The following PALM2AKAP2 variants were observed in gnomAD, a reference collection of about 807,000 sequenced individuals.
PALM2AKAP2 encodes the protein PALM2-AKAP2 fusion protein.
A neutral mutation model predicts 71.5 loss-of-function variants in PALM2AKAP2; 37 were observed. The observed-to-expected ratio is 0.52, with a 90% CI of 0.40 to 0.68. The LOEUF (loss-of-function observed/expected upper bound fraction) is 0.68. PALM2AKAP2 is among the 30% of genes least tolerant of loss of function. The pLI is 0.00. For synonymous variants in PALM2AKAP2, 468 were observed against 478.8 expected (o/e 0.98, Z 0.29); for missense variants, 1,224 against 1,191.8 (o/e 1.03, Z -0.40).
intron 1 of PALM2AKAP2, among the ~76,000 whole-genome samples, chr9:109,785,676 A>G (rs1826943004): frequency 6.6e-6 from 1 of 152,226 alleles, no homozygotes; most frequent in South Asian, 2.1e-4. Flanking sequence ...CGTGAGACTG[A>G]TTCACTATCA....
At chr9:109,766,992 C>T (rs925082788) in intron 1 of PALM2AKAP2, among the ~76,000 whole-genome samples, 3 of 150,834 alleles carry the variant, frequency 2.0e-5, no homozygotes, top group Admixed American at 6.6e-5. Context: ...GTGCTTAGTA[C>T]CTGCCAGACA....
At chr9:109,833,568 A>C (rs888903324) in intron 1 of PALM2AKAP2, among the ~76,000 whole-genome samples, 1 of 152,072 alleles carries the variant, frequency 6.6e-6, no homozygotes, top group African/African-American at 2.4e-5. Flanking sequence ...CTGTGGGCTC[A>C]CCTAGTTTAA....
At chr9:109,763,467 A>T (rs576352037) in intron 1 of PALM2AKAP2, among the ~76,000 whole-genome samples, 1 of 152,216 alleles carries the variant, frequency 6.6e-6, no homozygotes, top group African/African-American at 2.4e-5. Flanking sequence ...GAATGATACT[A>T]CCATATCCAG....
chr9:110,066,681 A>G (rs1006543452), intron 1 of PALM2AKAP2, among the ~76,000 whole-genome samples: 4 of 150,900 alleles, frequency 2.7e-5, no homozygotes. Context: ...CCTGGGGAAC[A>G]GACCAAGACA....
chr9:109,658,523 A>G (rs1257789422), intron 1 of PALM2AKAP2, among the ~76,000 whole-genome samples: 2 of 152,230 alleles, frequency 1.3e-5, no homozygotes, highest in Admixed American at 1.3e-4. Context: ...AACTCTTAGC[A>G]AACTAGAAAT....
Position 109,899,755 on chromosome 9 carries a change from C to T in PALM2AKAP2, c.257+19074C>T, listed in dbSNP as rs371824745. On this transcript the variant is annotated intron_variant, in intron 3 of 9. Coordinates refer to the PALM2AKAP2 transcript ENST00000302798. ...GTCTGTGTCCCGTTCTTTGGATCTACTGTCCCTTCTCCAAGGAACGTTCTT... is the reference window on the plus strand; with the variant it reads ...GTCTGTGTCCCGTTCTTTGGATCTATTGTCCCTTCTCCAAGGAACGTTCTT... Among the ~76,000 whole-genome samples the T allele has an allele frequency of 1.4e-3, 211 of 152,328 alleles. 1 individual carries two copies. Among genetic ancestry groups the T allele is most frequent in the African/African-American group, 4.9e-3 (202 of 41,576 alleles).
At chr9:109,683,581 T>G (rs983559685) in intron 1 of PALM2AKAP2, among the ~76,000 whole-genome samples, 3 of 152,198 alleles carry the variant, frequency 2.0e-5, no homozygotes, top group African/African-American at 7.2e-5. Flanking sequence ...AATACATCTT[T>G]GCTGTTTTAA....
At chr9:109,672,560 T>A (rs1308700427) in intron 1 of PALM2AKAP2, among the ~76,000 whole-genome samples, 1 of 152,104 alleles carries the variant, frequency 6.6e-6, no homozygotes, top group African/African-American at 2.4e-5. Context: ...GGCTTAAAGT[T>A]TTCTTTTTTT....
At position 110,001,603 on chromosome 9, in the gene PALM2AKAP2, A is replaced by G. The variant is rs187412625; in HGVS notation, c.497-14351A>G. On this transcript the variant is annotated intron_variant, in intron 6 of 9. Coordinates refer to the PALM2AKAP2 transcript ENST00000302798. ...GCATTGAATCTATAAATTACCTTGG[A>G]CAGTATGGCCATTTTCATGATATTG... Among the ~76,000 whole-genome samples, 219 of 152,138 alleles carry G rather than the reference A, an allele frequency of 1.4e-3. 1 individual carries two copies. The highest frequency in any genetic ancestry group is 4.6e-3 in the African/African-American group (193 of 41,510).
rs1831845700 is a variant in PALM2AKAP2 at position 109,961,164 on chromosome 9, TCTTTGGAACATATAG to T, written c.496+29139_496+29153del. Among the ~76,000 whole-genome samples, 11 of 152,352 alleles carry T rather than the reference TCTTTGGAACATATAG, an allele frequency of 7.2e-5. 1 individual carries two copies. The South Asian group carries it at 1.7e-3, about 23-fold the overall frequency. On this transcript the variant is annotated intron_variant, in intron 6 of 9. Transcript: ENST00000302798. The stretch of plus-strand genomic sequence containing the variant: ...GCTCAGGCAAAAGCAACCTATCCGT[TCTTTGGAACATATAG>T]CTAAAATTCAACCAGAAACTTACTT...
intron 3 of PALM2AKAP2, among the ~76,000 whole-genome samples, chr9:109,914,210 C>T (rs377569851): frequency 2.1e-3 from 319 of 152,306 alleles, no homozygotes; most frequent in African/African-American, 7.4e-3. Context: ...TGATCCTTGT[C>T]AACAGTGACC....
chr9:109,997,891 G>A (rs1426989492), intron 6 of PALM2AKAP2, among the ~76,000 whole-genome samples: 2 of 152,242 alleles, frequency 1.3e-5, no homozygotes, highest in East Asian at 3.9e-4. Flanking sequence ...TTATCCTGGG[G>A]TGGGGCTTCC....
chr9:109,835,414 C>T (rs1354257737), intron 1 of PALM2AKAP2, among the ~76,000 whole-genome samples: 4 of 151,468 alleles, frequency 2.6e-5, no homozygotes, highest in African/African-American at 7.3e-5. Context: ...CCAAGATGGC[C>T]GAATAGGAAC....
intron 1 of PALM2AKAP2, among the ~76,000 whole-genome samples, chr9:110,070,390 A>G (rs1375623029): frequency 6.6e-6 from 1 of 152,202 alleles, no homozygotes; most frequent in Non-Finnish European, 1.5e-5. Context: ...AACAATGACT[A>G]TTTTAAAAAG....
intron 1 of PALM2AKAP2, among the ~76,000 whole-genome samples, chr9:109,842,619 T>C (rs1407520342): frequency 6.6e-6 from 1 of 152,066 alleles, no homozygotes; most frequent in African/African-American, 2.4e-5. Flanking sequence ...AACACTTCAC[T>C]GGGAAGAAGT....
intron 1 of PALM2AKAP2, among the ~76,000 whole-genome samples, chr9:109,747,920 C>T (rs1828828390): frequency 6.6e-6 from 1 of 152,206 alleles, no homozygotes. Context: ...ATCTGCCTGC[C>T]TCAGCCTCCC....
At chr9:109,836,505 A>C (rs113540058) in intron 1 of PALM2AKAP2, among the ~76,000 whole-genome samples, 4,932 of 152,364 alleles carry the variant, frequency 0.032, 101 homozygotes, top group Non-Finnish European at 0.042. Context: ...GCTCCTTGCC[A>C]GCAATGGAAC....
chr9:110,058,985 C>T (rs1395654401), intron 1 of PALM2AKAP2, among the ~76,000 whole-genome samples: 2 of 150,038 alleles, frequency 1.3e-5, no homozygotes, highest in African/African-American at 2.5e-5. Flanking sequence ...CTGCAACCTC[C>T]GCCCCCTGGG....
At chr9:110,084,501 T>C (rs2118726389) in intron 1 of PALM2AKAP2, among the ~76,000 whole-genome samples, 1 of 152,302 alleles carries the variant, frequency 6.6e-6, no homozygotes, top group South Asian at 2.1e-4. Flanking sequence ...CCTTGGTAAC[T>C]ATGGGGGGGT....
Sources: gnomAD v4.1 joint callset for allele counts (sites outside exome capture counted in the v4.1 genomes callset) on GRCh38, gnomAD v4.1.1 for gene constraint, MANE v1.5 for transcripts, NCBI Gene and HGNC (gene_info 2026-07-23, HGNC 2026-07-21) for gene names.